The following ZEB1 variants were observed in gnomAD, a reference collection of about 807,000 sequenced individuals.
ZEB1 encodes the protein zinc finger E-box binding homeobox 1.
A neutral mutation model predicts 84.9 loss-of-function variants in ZEB1; 21 were observed. The observed-to-expected ratio is 0.25, with a 90% CI of 0.18 to 0.36. The LOEUF (loss-of-function observed/expected upper bound fraction) is 0.36. Ranked by LOEUF, ZEB1 falls within the 10% of genes least tolerant of loss-of-function variation. ZEB1 has a pLI of 1.00. For synonymous variants in ZEB1, 420 were observed against 471.1 expected, an observed-to-expected ratio of 0.89 and a Z score of 1.41; for missense variants, 1,104 against 1,330.2, an observed-to-expected ratio of 0.83 and a Z score of 2.65.
At position 31,408,310 on chromosome 10, in the gene ZEB1, C is replaced by G. The variant is rs969569169; in HGVS notation, c.59-52727C>G. On this transcript the variant is annotated intron_variant, in intron 1 of 8. Coordinates refer to ENST00000424869, the MANE Select transcript of ZEB1 (RefSeq NM_001174096.2). ...GGAAGAATCAATATCGTGAAAATGGCCATACTGCCCAAGGTAATTTACAGA... is the reference window on the plus strand; with the variant it reads ...GGAAGAATCAATATCGTGAAAATGGGCATACTGCCCAAGGTAATTTACAGA... Among the ~76,000 whole-genome samples the G allele has an allele frequency of 8.6e-4, 129 of 150,768 alleles. No homozygotes were observed. The East Asian group carries it at 0.017, about 19-fold the overall frequency.
intron 1 of ZEB1, among the ~76,000 whole-genome samples, chr10:31,409,391 C>G (rs1385346362): frequency 6.6e-6 from 1 of 152,162 alleles, no homozygotes; most frequent in African/African-American, 2.4e-5. Flanking sequence ...GATACCAGTA[C>G]CATGCTGTTT....
chr10:31,449,661 C>G (rs559421578), intron 1 of ZEB1, among the ~76,000 whole-genome samples: 249 of 152,252 alleles, frequency 1.6e-3, no homozygotes, highest in African/African-American at 5.6e-3. Context: ...TTGCCCATCC[C>G]TGTAATAGTA....
intron 2 of ZEB1, among the ~76,000 whole-genome samples, chr10:31,468,790 G>A (rs1043827611): frequency 1.1e-4 from 16 of 152,114 alleles, no homozygotes; most frequent in Non-Finnish European, 2.2e-4. Flanking sequence ...CCACCCAAAT[G>A]AAGATAAATC....
intron 2 of ZEB1, among the ~76,000 whole-genome samples, chr10:31,483,087 G>C (rs367738307): frequency 6.6e-6 from 1 of 151,988 alleles, no homozygotes; most frequent in Non-Finnish European, 1.5e-5. Context: ...GTTCAGGCCT[G>C]GTTGGGGTTT....
chr10:31,435,325 C>T (rs745587354), intron 1 of ZEB1, among the ~76,000 whole-genome samples: 1 of 152,060 alleles, frequency 6.6e-6, no homozygotes, highest in South Asian at 2.1e-4. Flanking sequence ...CCAGTGAGAC[C>T]CATATTGGGC....
chr10:31,503,924 A>T (rs1456101525), intron 4 of ZEB1, among the ~76,000 whole-genome samples: 1 of 151,904 alleles, frequency 6.6e-6, no homozygotes, highest in Non-Finnish European at 1.5e-5. Flanking sequence ...TGGGTTTTTT[A>T]AATCTGTTGA....
chr10:31,414,093 C>A (rs1263642731), intron 1 of ZEB1, among the ~76,000 whole-genome samples: 1 of 152,206 alleles, frequency 6.6e-6, no homozygotes, highest in Non-Finnish European at 1.5e-5. Flanking sequence ...TAGGTACAAT[C>A]TTTTGCAAGT....
intron 1 of ZEB1, among the ~76,000 whole-genome samples, chr10:31,386,766 T>A (rs990024007): frequency 6.6e-6 from 1 of 152,202 alleles, no homozygotes; most frequent in Non-Finnish European, 1.5e-5. Context: ...GAATTTCCGC[T>A]GGCTCTAACC....
In ZEB1 at chr10:31,527,323, C is replaced by G; in HGVS notation, c.*59C>G. 1 of 1,543,682 alleles carries G rather than the reference C, an allele frequency of 6.5e-7. No homozygotes were observed. Among genetic ancestry groups the G allele is most frequent in the Non-Finnish European group, 8.7e-7 (1 of 1,148,880 alleles). On this transcript the variant is annotated 3_prime_UTR_variant, in exon 9 of 9. Transcript: ENST00000424869. ...ATAATGAATTTCGTTCAATATTATC[C>G]TTGCTTTTCATGGAAACACAGTAAC... is the stretch of plus-strand genomic sequence containing the variant.
intron 1 of ZEB1, among the ~76,000 whole-genome samples, chr10:31,374,646 G>A (rs539355780): frequency 6.6e-6 from 1 of 151,842 alleles, no homozygotes; most frequent in East Asian, 1.9e-4. Flanking sequence ...TATAAATAAA[G>A]CACAGAACCT....
At chr10:31,408,696 A>C (rs2053623206) in intron 1 of ZEB1, among the ~76,000 whole-genome samples, 1 of 145,332 alleles carries the variant, frequency 6.9e-6, no homozygotes, top group Non-Finnish European at 1.5e-5. Flanking sequence ...AGCCATATGT[A>C]GAAAGCTGAA....
At chr10:31,479,493 C>G (rs2064756541) in intron 2 of ZEB1, among the ~76,000 whole-genome samples, 1 of 151,776 alleles carries the variant, frequency 6.6e-6, no homozygotes, top group South Asian at 2.1e-4. Flanking sequence ...ATGCAAAAAT[C>G]CTCAACAAGA....
At chr10:31,394,151 G>A (rs1301878364) in intron 1 of ZEB1, among the ~76,000 whole-genome samples, 1 of 152,160 alleles carries the variant, frequency 6.6e-6, no homozygotes, top group Non-Finnish European at 1.5e-5. Context: ...CTGAATCTGA[G>A]GGACATTAGA....
chr10:31,360,572 A>G (rs2042858002), intron 1 of ZEB1, among the ~76,000 whole-genome samples: 1 of 152,234 alleles, frequency 6.6e-6, no homozygotes, highest in Admixed American at 6.5e-5. Context: ...AATGAATGGT[A>G]TGTGACAAGA....
chr10:31,385,043 A>C (rs544309531), intron 1 of ZEB1, among the ~76,000 whole-genome samples: 1 of 152,294 alleles, frequency 6.6e-6, no homozygotes, highest in South Asian at 2.1e-4. Flanking sequence ...TTTTGTGTAC[A>C]CTTATTTCTT....
At chr10:31,471,908 C>T (rs1471721584) in intron 2 of ZEB1, among the ~76,000 whole-genome samples, 3 of 142,352 alleles carry the variant, frequency 2.1e-5, no homozygotes, top group Non-Finnish European at 4.4e-5. Flanking sequence ...TTAAGAATCT[C>T]ACTCAAAACC....
chr10:31,378,682 AT>A, intron 1 of ZEB1, among the ~76,000 whole-genome samples: 1 of 151,996 alleles, frequency 6.6e-6, no homozygotes, highest in South Asian at 2.1e-4. Flanking sequence ...TGGGGAAAAA[AT>A]CTTATATATC....
At chr10:31,366,469 C>T (rs1459529598) in intron 1 of ZEB1, among the ~76,000 whole-genome samples, 2 of 152,104 alleles carry the variant, frequency 1.3e-5, no homozygotes, top group Non-Finnish European at 2.9e-5. Flanking sequence ...TTTAAATAAT[C>T]CTTTAGATTC....
At chr10:31,444,601 G>C (rs1169240146) in intron 1 of ZEB1, among the ~76,000 whole-genome samples, 2 of 151,892 alleles carry the variant, frequency 1.3e-5, no homozygotes, top group South Asian at 2.1e-4. Flanking sequence ...TAAGGTGTAA[G>C]GAAGGGATCC....
Sources: allele counts gnomAD v4.1 joint callset (sites outside exome capture counted in the v4.1 genomes callset), GRCh38; gene constraint gnomAD v4.1.1; transcripts MANE v1.5; gene names NCBI Gene and HGNC (gene_info 2026-07-23, HGNC 2026-07-21).